Variants in PDE4B observed in about 807,000 individuals in gnomAD.
The protein encoded by PDE4B is phosphodiesterase 4B.
PDE4B carries 20 observed loss-of-function variants against 82.2 expected under a neutral mutation model. The ratio of observed to expected loss-of-function variants is 0.24; its 90% CI spans 0.17 to 0.35. The LOEUF (loss-of-function observed/expected upper bound fraction) is 0.35, where lower values mean the gene tolerates loss of function less well. PDE4B is among the 10% of genes least tolerant of loss of function. The probability of loss-of-function intolerance (pLI) is 1.00; values close to 1 mark genes in which losing one functional copy is unlikely to be tolerated. For synonymous variants in PDE4B, 320 were observed against 318.9 expected, an observed-to-expected ratio of 1.00 and a Z score of -0.04; for missense variants, 655 against 907.2, an observed-to-expected ratio of 0.72 and a Z score of 3.57.
Position 65,913,352 on chromosome 1 carries a change from A to T in PDE4B, c.38A>T (p.Asp13Val). The T allele has an allele frequency of 1.9e-6, 3 of 1,613,580 alleles. No individual in the cohort carries two copies. Among genetic ancestry groups the T allele is most frequent in the Non-Finnish European group, 2.5e-6 (3 of 1,179,580 alleles). Residue 13 changes from aspartate (D) to valine (V), a missense_variant, in exon 2 of 17, where the codon GAT becomes GTT. By Grantham distance (152) the Asp-to-Val change is radical. Around this residue, in one of 3 missense-constraint regions of PDE4B, gnomAD observed 253 missense variants for 275.6 expected, o/e 0.92. Coordinates refer to ENST00000341517, the MANE Select transcript of PDE4B (RefSeq NM_002600.4). ...KSRSVMTVMA[D>V]DNVKDYFECS... ...AGGAGTGTGATGACGGTGATGGCTG[A>T]TGATGTAAGTTTCAAAAGGTCCCAA...
chr1:66,242,604 A>G (rs1001416441), intron 3 of PDE4B, among the ~76,000 whole-genome samples: 4 of 152,190 alleles, frequency 2.6e-5, no homozygotes, highest in Non-Finnish European at 4.4e-5. Context: ...GTAATTGGGG[A>G]TCAGGAAACA....
chr1:66,317,127 T>A (rs1659081699), intron 7 of PDE4B, among the ~76,000 whole-genome samples: 1 of 152,222 alleles, frequency 6.6e-6, no homozygotes, highest in African/African-American at 2.4e-5. Context: ...ACTGTTTGTC[T>A]ACCCACAGAG....
At chr1:66,091,176 A>G (rs544984236) in intron 3 of PDE4B, among the ~76,000 whole-genome samples, 52 of 152,136 alleles carry the variant, frequency 3.4e-4, no homozygotes, top group African/African-American at 1.0e-3. Flanking sequence ...CTAGGTTTAA[A>G]AAAAAGTGAC....
chr1:66,267,783 T>G (rs1166225817), intron 7 of PDE4B, among the ~76,000 whole-genome samples: 1 of 152,162 alleles, frequency 6.6e-6, no homozygotes, highest in Non-Finnish European at 1.5e-5. Flanking sequence ...GGTTTCAAAA[T>G]CTCCTTAACG....
At chr1:66,152,895 G>A (rs1489031508) in intron 3 of PDE4B, among the ~76,000 whole-genome samples, 2 of 152,020 alleles carry the variant, frequency 1.3e-5, no homozygotes, top group Middle Eastern at 3.2e-3. Context: ...TTGCTCTTAA[G>A]GTCTTCAGCT....
At chr1:66,201,453 T>C (rs888456200) in intron 3 of PDE4B, among the ~76,000 whole-genome samples, 8 of 152,160 alleles carry the variant, frequency 5.3e-5, no homozygotes, top group African/African-American at 1.9e-4. Flanking sequence ...CTGGTAGAAT[T>C]TGGCTGTGAA....
chr1:65,829,228 T>C (rs928503486), intron 1 of PDE4B, among the ~76,000 whole-genome samples: 20 of 152,206 alleles, frequency 1.3e-4, no homozygotes, highest in Non-Finnish European at 2.5e-4. Flanking sequence ...AACAGAGGCA[T>C]TGCCTAATAA....
intron 7 of PDE4B, among the ~76,000 whole-genome samples, chr1:66,294,968 A>G (rs1394271519): frequency 6.6e-6 from 1 of 152,138 alleles, no homozygotes; most frequent in Non-Finnish European, 1.5e-5. Context: ...CAGGCCCCAG[A>G]CTTTGTTGAA....
chr1:65,958,781 C>A (rs535832829), intron 3 of PDE4B, among the ~76,000 whole-genome samples: 3 of 152,134 alleles, frequency 2.0e-5, no homozygotes, highest in East Asian at 3.9e-4. Flanking sequence ...CATACACACA[C>A]GCAAAATACC....
intron 1 of PDE4B, among the ~76,000 whole-genome samples, chr1:65,848,692 A>G (rs1646295288): frequency 6.6e-6 from 1 of 152,184 alleles, no homozygotes; most frequent in Non-Finnish European, 1.5e-5. Flanking sequence ...TCTGAGATTC[A>G]TTCATGTTGT....
intron 3 of PDE4B, among the ~76,000 whole-genome samples, chr1:66,070,564 C>T (rs767163882): frequency 1.3e-5 from 2 of 151,808 alleles, no homozygotes; most frequent in African/African-American, 2.4e-5. Context: ...TTTTGGCTCA[C>T]CTTTTGGGAA....
chr1:66,362,344 G>A (rs914491685), intron 10 of PDE4B, among the ~76,000 whole-genome samples: 2 of 152,154 alleles, frequency 1.3e-5, no homozygotes, highest in African/African-American at 4.8e-5. Context: ...GTAGTGGAGG[G>A]AGGCATAGAA....
intron 3 of PDE4B, among the ~76,000 whole-genome samples, chr1:66,102,233 T>A (rs7417172): frequency 0.056 from 8,473 of 152,138 alleles, 580 homozygotes; most frequent in East Asian, 0.31. Flanking sequence ...TTGGGTTTGT[T>A]TTTGTTTTTA....
At chr1:66,317,829 C>T (rs114806431) in intron 7 of PDE4B, among the ~76,000 whole-genome samples, 12 of 152,228 alleles carry the variant, frequency 7.9e-5, no homozygotes, top group African/African-American at 2.2e-4. Flanking sequence ...CCTAGGAGTT[C>T]GAGGCTGCAG....
chr1:65,876,363 T>C (rs1024540823), intron 1 of PDE4B, among the ~76,000 whole-genome samples: 5 of 152,040 alleles, frequency 3.3e-5, no homozygotes, highest in African/African-American at 4.8e-5. Flanking sequence ...AGTTTATAAA[T>C]ATGATAGCAC....
intron 3 of PDE4B, among the ~76,000 whole-genome samples, chr1:66,156,403 G>A (rs1646502734): frequency 6.6e-6 from 1 of 152,060 alleles, no homozygotes; most frequent in African/African-American, 2.4e-5. Flanking sequence ...GTTGAGAAAG[G>A]TTAGACAGTG....
intron 10 of PDE4B, among the ~76,000 whole-genome samples, chr1:66,362,130 A>G (rs143571298): frequency 6.0e-4 from 92 of 152,270 alleles, no homozygotes; most frequent in Admixed American, 5.4e-3. Flanking sequence ...TTAGGTTTTT[A>G]TGGACAGTTC....
In PDE4B at chr1:66,266,053, T is replaced by C; in HGVS notation, c.600T>C (p.Ala200=). 6.2e-7 allele frequency: 1 copy of C among 1,613,412 alleles called. No individual in the cohort carries two copies. The highest frequency in any genetic ancestry group is 1.1e-5 in the South Asian group (1 of 91,062). The change falls in exon 7 of 17, where the codon GCT becomes GCC. Residue 200 remains alanine (A), a synonymous_variant. Coordinates refer to ENST00000341517, the MANE Select transcript of PDE4B (RefSeq NM_002600.4). The part of the protein sequence containing the change: ...HGTSNKRSPA[A]SQPPVSRVNP... ...GTCTCCACAGGAGGTCCCCAGCTGC[T>C]AGTCAGCCTCCTGTCTCCAGAGTCA...
chr1:66,153,274 A>G (rs918775159), intron 3 of PDE4B, among the ~76,000 whole-genome samples: 2 of 146,266 alleles, frequency 1.4e-5, no homozygotes, highest in African/African-American at 2.5e-5. Context: ...TCAAATTCCT[A>G]CTCTCATCTC....
Sources: allele counts gnomAD v4.1 joint callset (sites outside exome capture counted in the v4.1 genomes callset), GRCh38; gene constraint gnomAD v4.1.1; regional missense constraint gnomAD v4.1.1; transcripts MANE v1.5; gene names NCBI Gene and HGNC (gene_info 2026-07-23, HGNC 2026-07-21).